The following HGFAC variants were observed in gnomAD, a reference collection of about 807,000 sequenced individuals.
HGFAC encodes the protein hepatocyte growth factor activator serine protease.
Under a neutral mutation model 70.6 loss-of-function variants are expected in HGFAC, and 76 were observed. That is an observed-to-expected ratio of 1.08 (90% CI 0.89 to 1.30). The LOEUF (loss-of-function observed/expected upper bound fraction) is 1.30. HGFAC is among the 50% of genes most tolerant of loss of function. The probability of loss-of-function intolerance (pLI) is 0.00; values close to 1 mark genes in which losing one functional copy is unlikely to be tolerated. For synonymous variants in HGFAC, 464 were observed against 405.3 expected, an observed-to-expected ratio of 1.14 and a Z score of -1.74; for missense variants, 1,044 against 933.7, an observed-to-expected ratio of 1.12 and a Z score of -1.54.
Position 3,447,752 on chromosome 4 carries a change from A to G in HGFAC, c.1495+121A>G, listed in dbSNP as rs1029078068. 10 of 1,525,240 alleles carry G rather than the reference A, an allele frequency of 6.6e-6. No individual in the cohort carries two copies. The African/African-American group carries it at 1.2e-4, about 19-fold the overall frequency. The allele number at this position is 1,525,240 out of a possible 1,614,324, so 94.5% of individuals were successfully genotyped here. ...GTGCGGGGGAAGCTGGGGGCAGGGC[A>G]GGGAGGACAGGGCACCGCTCCCTTC... On this transcript the variant is annotated intron_variant, in intron 11 of 13. Transcript: ENST00000382774.
upstream of HGFAC, chr4:3,441,943 C>A: frequency 1.0e-6 from 1 of 984,420 alleles, no homozygotes; most frequent in South Asian, 1.9e-5. The surrounding 1 kb of genome is among the most constrained non-coding windows in gnomAD (Gnocchi z 6.0). Flanking sequence ...GCCTTGACCC[C>A]ACCTGCCTTG....
rs1385965057 is a variant in HGFAC at position 3,443,036 on chromosome 4, C to T, written c.299-14C>T. ...CCTCGAGGGAGCCCTGACCCTGCCACCCCCTCCCCACAGCACTCACCGAGG... is the reference window on the plus strand; with the variant it reads ...CCTCGAGGGAGCCCTGACCCTGCCATCCCCTCCCCACAGCACTCACCGAGG... On this transcript the variant is annotated splice_polypyrimidine_tract_variant and intron_variant, in intron 2 of 13. Transcript: ENST00000382774. 6 of 1,586,886 alleles carry T rather than the reference C, an allele frequency of 3.8e-6. No homozygotes were observed. The highest frequency in any genetic ancestry group is 1.8e-4 in the Middle Eastern group (1 of 5,528).
rs767256678 is a variant in HGFAC, at chr4:3,442,062, C to G, written c.61C>G (p.Leu21Val). 1 of 1,551,700 alleles carries G rather than the reference C, an allele frequency of 6.4e-7. No homozygotes were observed. The highest frequency in any genetic ancestry group is 1.4e-5 in the African/African-American group (1 of 71,048). ...CCCACCGGGGCTGGGCCCCTTCCTC[C>G]TCCTCCTCCTGCTGCTGCTGCTGCT... Reference protein sequence around the residue: ...WPPPGLGPFLLLLLLLLLLPR... With the variant: ...WPPPGLGPFLVLLLLLLLLPR... Residue 21 changes from leucine (L) to valine (V), a missense_variant, in exon 1 of 14, where the codon CTC (leucine) becomes GTC (valine). Coordinates refer to ENST00000382774, the MANE Select transcript of HGFAC (RefSeq NM_001528.4).
chr4:3,443,363 G>T lies in HGFAC; in HGVS notation c.418G>T (p.Asp140Tyr), dbSNP rs1434209465. ...CAGGTGTGCCACAACTCACAACTAC[G>T]ACCGGGACAGGGCCTGGGGCTACTG... ...RKWCATTHNY[D>Y]RDRAWGYCVE... The change falls in exon 4 of 14, where the codon GAC (aspartate) becomes TAC (tyrosine). Residue 140 changes from aspartate to tyrosine, a missense_variant. Physicochemically the swap from Asp to Tyr is radical, Grantham distance 160 (BLOSUM62 -3). Transcript: ENST00000382774. 1 of 1,540,328 alleles carries T rather than the reference G, an allele frequency of 6.5e-7. No homozygotes were observed. Among genetic ancestry groups the T allele is most frequent in the Non-Finnish European group, 8.8e-7 (1 of 1,141,986 alleles).
At chr4:3,444,218 G>T in intron 5 of HGFAC, 57 bp downstream of exon 5, 1 of 1,568,508 alleles carries the variant, frequency 6.4e-7, no homozygotes, top group Non-Finnish European at 8.6e-7. Flanking sequence ...GTCCCCGGAG[G>T]ATGGGAGAAC....
chr4:3,444,084 C>T lies in HGFAC; in HGVS notation c.521C>T (p.Ser174Phe). 6.2e-7 allele frequency: 1 copy of T among 1,612,008 alleles called. No homozygotes were observed. The highest frequency in any genetic ancestry group is 8.5e-7 in the Non-Finnish European group (1 of 1,179,600). Reference sequence around the variant, plus strand: ...TCCGGCCCCTGCCTCAATGGAGGCTCCTGCTCCAATACCCAGGACCCCCAG... The same window carrying T: ...TCCGGCCCCTGCCTCAATGGAGGCTTCTGCTCCAATACCCAGGACCCCCAG... ...CASGPCLNGG[S>F]CSNTQDPQSY... Residue 174 changes from serine to phenylalanine, a missense_variant, in exon 5 of 14, where the codon TCC becomes TTC. By Grantham distance (155) the Ser-to-Phe change is radical. Transcript: ENST00000382774.
chr4:3,447,130 G>C (rs1725536980), intron 10 of HGFAC, among the ~76,000 whole-genome samples: 1 of 152,200 alleles, frequency 6.6e-6, no homozygotes. Flanking sequence ...CCACAATGTG[G>C]ATGGAAGCTG....
chr4:3,443,959 G>A lies in HGFAC; in HGVS notation c.476-80G>A, dbSNP rs115344500. 71 of 1,447,520 alleles carry A rather than the reference G, an allele frequency of 4.9e-5. No homozygotes were observed. In the African/African-American group the frequency reaches 6.3e-4, roughly 13 times the overall value. The allele number at this position is 1,447,520 out of a possible 1,614,324, so 89.7% of individuals were successfully genotyped here. A position where few individuals can be genotyped will look rare whatever the true frequency, so the allele number is the denominator to read the frequency against. On this transcript the variant is annotated intron_variant, in intron 4 of 13. Coordinates refer to ENST00000382774, the MANE Select transcript of HGFAC (RefSeq NM_001528.4). ...AGCCCCTCACTGGGGCCTGATGGAC[G>A]CCTTAGCAAGCAGAGAATGTCACAG...
Position 3,443,242 on chromosome 4 carries a change from A to T in HGFAC, c.395+96A>T. The T allele has an allele frequency of 3.9e-6, 5 of 1,281,670 alleles. No individual in the cohort carries two copies. The South Asian group carries it at 4.4e-5, about 11-fold the overall frequency. 79.4% of individuals were successfully genotyped at this position (1,281,670 alleles called of 1,614,324 possible). On this transcript the variant is annotated intron_variant, in intron 3 of 13. Coordinates refer to ENST00000382774, the MANE Select transcript of HGFAC (RefSeq NM_001528.4). Reference sequence around the variant, plus strand: ...GGCACACAGTAGGCGCTCACCACGCAGCAGGCGGACCCAGTGAACCCAGAG... The same window carrying T: ...GGCACACAGTAGGCGCTCACCACGCTGCAGGCGGACCCAGTGAACCCAGAG...
chr4:3,444,979 C>T lies in HGFAC; in HGVS notation c.1002C>T (p.Pro334=). Residue 334 remains proline (P), a synonymous_variant, in exon 8 of 14, where the codon CCC becomes CCT. Transcript: ENST00000382774. The part of the protein sequence containing the change: ...VGAAALLGLG[P]HAYCRNPDND... ...CCGCGGCCCTGCTGGGCCTGGGCCC[C>T]CATGCCTACTGCCGGTCAGCACCAC... 1 of 1,594,776 alleles carries T rather than the reference C, an allele frequency of 6.3e-7. No homozygotes were observed. Among genetic ancestry groups the T allele is most frequent in the East Asian group, 2.2e-5 (1 of 44,600 alleles).
At chr4:3,442,320 G>A (rs900850519) in intron 1 of HGFAC, among the ~76,000 whole-genome samples, 12 of 152,150 alleles carry the variant, frequency 7.9e-5, no homozygotes, top group Non-Finnish European at 1.5e-4. Flanking sequence ...CTGGGCTCAC[G>A]GAGCCCCACC....
At position 3,444,669 on chromosome 4, in the gene HGFAC, C is replaced by G. The variant is rs143467642; in HGVS notation, c.777C>G (p.Ile259Met). 6 of 1,598,016 alleles carry G rather than the reference C, an allele frequency of 3.8e-6. No homozygotes were observed. In the African/African-American group the frequency reaches 4.0e-5, roughly 11 times the overall value. The change falls in exon 7 of 14, where the codon ATC (isoleucine) becomes ATG (methionine). Residue 259 changes from isoleucine to methionine, a missense_variant. Physicochemically the swap from Ile to Met is conservative, Grantham distance 10 (BLOSUM62 1). Transcript: ENST00000382774. ...PCLNGGTCHL[I>M]VATGTTVCAC... ...TGAACGGGGGCACCTGCCACCTGAT[C>G]GTGGCCACCGGGACCACCGTGTGTG...
At chr4:3,443,312 C>A (rs1200555598) in intron 3 of HGFAC, 29 bp from the exon 4 acceptor site, 28 of 1,527,694 alleles carry the variant, frequency 1.8e-5, no homozygotes, top group Non-Finnish European at 2.2e-5. Context: ...CTGCCTGGGA[C>A]CCCCATGCAC....
At chr4:3,445,821 A>C in intron 9 of HGFAC, 1 of 1,490,122 alleles carries the variant, frequency 6.7e-7, no homozygotes, top group Non-Finnish European at 9.0e-7. Context: ...CCGTGTGTCC[A>C]GCCCCTCTGG....
At chr4:3,448,398 C>G in intron 13 of HGFAC, 122 bp downstream of exon 13, 1 of 1,222,702 alleles carries the variant, frequency 8.2e-7, no homozygotes. Context: ...CAGGGCCAGC[C>G]AGGGACCCCT....
intron 2 of HGFAC, 25 bp downstream of exon 2, chr4:3,442,937 GGT>G: frequency 1.3e-6 from 2 of 1,559,574 alleles, no homozygotes; most frequent in Non-Finnish European, 1.7e-6. Flanking sequence ...CCTGGGAGGA[GGT>G]GTCGTGCTTC....
rs141896690 is a variant in HGFAC at position 3,443,949 on chromosome 4, C to A, written c.476-90C>A. 6.3e-4 allele frequency: 884 copies of A among 1,399,558 alleles called. 7 individuals carry two copies. The East Asian group carries it at 0.019, about 30-fold the overall frequency. The allele number at this position is 1,399,558 out of a possible 1,614,324, so 86.7% of individuals were successfully genotyped here. On this transcript the variant is annotated intron_variant, in intron 4 of 13. Coordinates refer to ENST00000382774, the MANE Select transcript of HGFAC (RefSeq NM_001528.4). ...TTGCTCTCAGAGCCCCTCACTGGGG[C>A]CTGATGGACGCCTTAGCAAGCAGAG...
chr4:3,445,023 A>G, intron 8 of HGFAC, 30 bp downstream of exon 8: 3 of 1,528,290 alleles, frequency 2.0e-6, no homozygotes, highest in Non-Finnish European at 2.6e-6. Context: ...AGGCCGCCGC[A>G]TGCGGGGCAG....
In HGFAC at chr4:3,446,041, G is replaced by C. The variant is rs752695916; in HGVS notation, c.1103-1G>C. On this transcript the variant is annotated splice_acceptor_variant, in intron 9 of 13. Coordinates refer to ENST00000382774, the MANE Select transcript of HGFAC (RefSeq NM_001528.4). LOFTEE classifies it high-confidence loss of function. ...TGTGACCCGGTGACCTTTGCTCCCA[G>C]AATCCCTCACCAGAGTCCAACTGTC... The C allele has an allele frequency of 2.5e-6, 4 of 1,607,780 alleles. No individual in the cohort carries two copies. In the South Asian group the frequency reaches 4.4e-5, roughly 18 times the overall value.
Sources: gnomAD v4.1 joint callset for allele counts (sites outside exome capture counted in the v4.1 genomes callset) on GRCh38, gnomAD v4.1.1 for gene constraint, Gnocchi (gnomAD v3.1) non-coding constraint, MANE v1.5 for transcripts, NCBI Gene and HGNC (gene_info 2026-07-23, HGNC 2026-07-21) for gene names.